The following CLYBL variants were observed in gnomAD, a reference collection of about 807,000 sequenced individuals.
CLYBL encodes citramalyl-CoA lyase, also known as citramalyl-CoA lyase, mitochondrial.
CLYBL carries 31 observed loss-of-function variants against 38.9 expected under a neutral mutation model. The ratio of observed to expected loss-of-function variants is 0.80; its 90% CI spans 0.60 to 1.08. The LOEUF (loss-of-function observed/expected upper bound fraction) is 1.08. CLYBL is among the 50% of genes least tolerant of loss of function. The pLI, the probability that CLYBL is intolerant of heterozygous loss-of-function variation, is 0.00. For missense variants in CLYBL, 434 were observed against 411.6 expected (o/e 1.05, Z -0.47); for synonymous variants, 171 against 158.6 (o/e 1.08, Z -0.59).
chr13:99,711,818 C>T (rs1409572961), intron 1 of CLYBL, among the ~76,000 whole-genome samples: 6 of 151,810 alleles, frequency 4.0e-5, no homozygotes, highest in Non-Finnish European at 5.9e-5. Flanking sequence ...TGGGTTCAAG[C>T]GATTCTCCTG....
intron 1 of CLYBL, among the ~76,000 whole-genome samples, chr13:99,644,597 A>G (rs2047149499): frequency 6.6e-6 from 1 of 152,218 alleles, no homozygotes; most frequent in African/African-American, 2.4e-5. Context: ...ATCAAATACT[A>G]GAACTTACTT....
intron 1 of CLYBL, among the ~76,000 whole-genome samples, chr13:99,758,751 G>C (rs915018432): frequency 6.6e-6 from 1 of 152,178 alleles, no homozygotes; most frequent in Non-Finnish European, 1.5e-5. Flanking sequence ...CTCCTTATAC[G>C]TTTCTTCTTT....
intron 1 of CLYBL, among the ~76,000 whole-genome samples, chr13:99,759,673 G>A (rs1403265371): frequency 6.6e-6 from 1 of 152,148 alleles, no homozygotes; most frequent in Non-Finnish European, 1.5e-5. Context: ...TGGGTGACAA[G>A]TGACAGTTAA....
At chr13:99,789,487 T>A (rs954189214) in intron 2 of CLYBL, among the ~76,000 whole-genome samples, 18 of 152,242 alleles carry the variant, frequency 1.2e-4, no homozygotes, top group Non-Finnish European at 2.2e-4. Context: ...GGTTGTTCAG[T>A]TTCCATGTAG....
intron 1 of CLYBL, among the ~76,000 whole-genome samples, chr13:99,668,165 G>C (rs1488954006): frequency 3.3e-5 from 5 of 152,018 alleles, no homozygotes; most frequent in Non-Finnish European, 7.4e-5. Context: ...TCCCAGCTAC[G>C]TGGGAGGCTG....
At chr13:99,646,315 G>A (rs1291948728) in intron 1 of CLYBL, among the ~76,000 whole-genome samples, 1 of 152,060 alleles carries the variant, frequency 6.6e-6, no homozygotes, top group East Asian at 1.9e-4. Context: ...TGTGTTATAG[G>A]AGTTTGGGGT....
At chr13:99,862,869 T>C (rs892371097) in intron 3 of CLYBL, 122 bp from the exon 4 acceptor site, 1 of 443,216 alleles carries the variant, frequency 2.3e-6, no homozygotes, top group African/African-American at 2.1e-5. Flanking sequence ...TTCTTTTGTG[T>C]GGACGAAAGA....
At chr13:99,901,642 T>G (rs1286520384), downstream of CLYBL, among the ~76,000 whole-genome samples, 2 of 30,314 alleles carry the variant, frequency 6.6e-5, no homozygotes. Flanking sequence ...TTTGGATTTT[T>G]TTGTTTTTTT....
chr13:99,886,415 T>G (rs1378057729), intron 7 of CLYBL, among the ~76,000 whole-genome samples: 4 of 152,286 alleles, frequency 2.6e-5, no homozygotes, highest in African/African-American at 9.6e-5. Flanking sequence ...AGTGCTTATC[T>G]GATCCACGGG....
intron 1 of CLYBL, among the ~76,000 whole-genome samples, chr13:99,658,902 C>A (rs998627429): frequency 2.0e-5 from 3 of 152,156 alleles, no homozygotes; most frequent in African/African-American, 7.2e-5. Flanking sequence ...CAAAACAGAT[C>A]AAGCCTGCCT....
rs188951013 is a variant in CLYBL at position 99,866,742 on chromosome 13, A to C, written c.802+335A>C. The stretch of plus-strand genomic sequence containing the variant: ...AAAGTGTTTTTGAGTGAACCGCCAT[A>C]AGAATTTTGGTTGATGGACAGAAGA... On this transcript the variant is annotated intron_variant, in intron 6 of 8. Coordinates refer to ENST00000339105, the MANE Select transcript of CLYBL (RefSeq NM_206808.5). 9.6e-4 allele frequency among the ~76,000 whole-genome samples: 146 copies of C among 152,082 alleles called. 1 individual carries two copies. The highest frequency in any genetic ancestry group is 3.4e-3 in the Middle Eastern group (1 of 294).
intron 3 of CLYBL, among the ~76,000 whole-genome samples, chr13:99,859,752 G>T (rs1205633101): frequency 6.6e-6 from 1 of 152,160 alleles, no homozygotes; most frequent in African/African-American, 2.4e-5. Flanking sequence ...CACTATGATT[G>T]TTTTAATTGA....
intron 1 of CLYBL, among the ~76,000 whole-genome samples, chr13:99,709,340 G>A (rs1173982237): frequency 1.3e-5 from 2 of 152,164 alleles, no homozygotes; most frequent in African/African-American, 2.4e-5. Context: ...ATGTCTGTCA[G>A]TGAAGCCACT....
At chr13:99,691,568 G>A (rs1371482775) in intron 1 of CLYBL, among the ~76,000 whole-genome samples, 3 of 151,824 alleles carry the variant, frequency 2.0e-5, no homozygotes, top group Admixed American at 6.6e-5. Flanking sequence ...AATTGCCACT[G>A]TGTGACCCAT....
chr13:99,653,536 GA>G (rs2047286053), intron 1 of CLYBL, among the ~76,000 whole-genome samples: 1 of 152,212 alleles, frequency 6.6e-6, no homozygotes, highest in Admixed American at 6.5e-5. Flanking sequence ...ATGATCCAAA[GA>G]AATAGTGATC....
chr13:99,740,326 G>A (rs776198400), intron 1 of CLYBL, among the ~76,000 whole-genome samples: 27 of 152,132 alleles, frequency 1.8e-4, no homozygotes, highest in Admixed American at 5.2e-4. Context: ...TAAGAGGCTC[G>A]AAAGTCTCAT....
At chr13:99,749,044 G>A (rs1015543849) in intron 1 of CLYBL, among the ~76,000 whole-genome samples, 4 of 152,072 alleles carry the variant, frequency 2.6e-5, no homozygotes, top group African/African-American at 9.7e-5. Flanking sequence ...CCAGTGTGGT[G>A]TCTGGTGCAC....
chr13:99,867,476 C>T (rs1273450472), intron 6 of CLYBL, among the ~76,000 whole-genome samples: 1 of 151,484 alleles, frequency 6.6e-6, no homozygotes, highest in Non-Finnish European at 1.5e-5. Context: ...GTGTTTTTTA[C>T]ACAAAGAGCT....
chr13:99,700,026 T>A (rs2048040808), intron 1 of CLYBL, among the ~76,000 whole-genome samples: 1 of 151,852 alleles, frequency 6.6e-6, no homozygotes, highest in African/African-American at 2.4e-5. Flanking sequence ...AAATAATAAA[T>A]AAATAAATAA....
Sources: allele counts gnomAD v4.1 joint callset (sites outside exome capture counted in the v4.1 genomes callset), GRCh38; gene constraint gnomAD v4.1.1; transcripts MANE v1.5; gene names NCBI Gene and HGNC (gene_info 2026-07-23, HGNC 2026-07-21).